The following ZMYM4 variants were observed in gnomAD, a reference collection of about 807,000 sequenced individuals.
ZMYM4 encodes the protein zinc finger MYM-type protein 4.
In ZMYM4, 31 loss-of-function variants were observed where a neutral mutation model predicts 183.2. The observed-to-expected ratio is 0.17, with a 90% confidence interval of 0.13 to 0.23. The LOEUF is 0.23. ZMYM4 is among the 10% of genes least tolerant of loss of function. ZMYM4 has a pLI of 1.00. For missense variants in ZMYM4, 1,273 were observed against 1,840.3 expected (o/e 0.69, Z 5.64); for synonymous variants, 592 against 631.2 (o/e 0.94, Z 0.93).
intron 1 of ZMYM4, among the ~76,000 whole-genome samples, chr1:35,270,882 G>A (rs1464286402): frequency 2.6e-5 from 4 of 151,998 alleles, no homozygotes; most frequent in African/African-American, 9.7e-5. Context: ...GCATTTCATC[G>A]TAGTGTTTTG....
At chr1:35,412,590 T>C in intron 26 of ZMYM4, among the ~76,000 whole-genome samples, 1 of 152,162 alleles carries the variant, frequency 6.6e-6, no homozygotes, top group Non-Finnish European at 1.5e-5. Context: ...TTCTTAAAGA[T>C]TGGAAATATT....
chr1:35,269,835 A>C (rs1639507968), intron 1 of ZMYM4, among the ~76,000 whole-genome samples: 1 of 152,116 alleles, frequency 6.6e-6, no homozygotes, highest in Non-Finnish European at 1.5e-5. Flanking sequence ...TTTAATTCTG[A>C]GTGGTTTTTT....
intron 27 of ZMYM4, among the ~76,000 whole-genome samples, chr1:35,414,674 C>T (rs1029023344): frequency 7.2e-5 from 11 of 152,138 alleles, no homozygotes; most frequent in African/African-American, 2.2e-4. Flanking sequence ...AATCTATGAG[C>T]TAAAAATTGT....
chr1:35,333,196 A>G (rs956233773), intron 2 of ZMYM4, among the ~76,000 whole-genome samples: 2 of 152,056 alleles, frequency 1.3e-5, no homozygotes, highest in Non-Finnish European at 2.9e-5. Flanking sequence ...TTGGATCTTC[A>G]TGGCATTAAC....
chr1:35,363,633 A>T (rs747081646), intron 5 of ZMYM4, among the ~76,000 whole-genome samples: 12 of 151,214 alleles, frequency 7.9e-5, no homozygotes, highest in African/African-American at 1.2e-4. Flanking sequence ...AAGCTATAGG[A>T]GTTGGATGGA....
chr1:35,400,026 C>T (rs541209852), intron 23 of ZMYM4: 1 of 157,928 alleles, frequency 6.3e-6, no homozygotes, highest in African/African-American at 2.5e-5. Flanking sequence ...GCCTGTAGTC[C>T]CAGCTACTCG....
intron 1 of ZMYM4, among the ~76,000 whole-genome samples, chr1:35,286,782 T>A (rs1242775747): frequency 5.3e-5 from 4 of 75,430 alleles, no homozygotes; most frequent in African/African-American, 3.7e-4. Flanking sequence ...ATTTTTTTTT[T>A]TTTTTTTTTT....
chr1:35,355,113 A>G lies in ZMYM4; in HGVS notation c.86-3812A>G, dbSNP rs547065874. Among the ~76,000 whole-genome samples, 13 of 151,558 alleles carry G rather than the reference A, an allele frequency of 8.6e-5. 2 individuals are homozygous for G. Among genetic ancestry groups the G allele is most frequent in the African/African-American group, 2.7e-4 (11 of 41,308 alleles). The stretch of plus-strand genomic sequence containing the variant: ...CAGTGGCGCAATCTCGGCTCACTGC[A>G]AGCTTCGCCTTCCAGGTTCACGCCA... On this transcript the variant is annotated intron_variant, in intron 2 of 29. Coordinates refer to ENST00000314607, the MANE Select transcript of ZMYM4 (RefSeq NM_005095.3).
chr1:35,276,668 C>G (rs975895683), intron 1 of ZMYM4, among the ~76,000 whole-genome samples: 8 of 151,922 alleles, frequency 5.3e-5, no homozygotes, highest in African/African-American at 1.9e-4. Flanking sequence ...AGTGCAGTGG[C>G]GTGATCTTGG....
At chr1:35,392,484 A>G (rs1417702226) in intron 16 of ZMYM4, 132 bp downstream of exon 16, 6 of 1,315,550 alleles carry the variant, frequency 4.6e-6, no homozygotes, top group African/African-American at 1.5e-5. Context: ...TTGCTGCACA[A>G]GTTTCATATC....
At chr1:35,369,494 A>G (rs1644158808) in intron 5 of ZMYM4, among the ~76,000 whole-genome samples, 1 of 152,144 alleles carries the variant, frequency 6.6e-6, no homozygotes, top group South Asian at 2.1e-4. Context: ...ATACTAATAT[A>G]CAAACGTTCA....
intron 23 of ZMYM4, chr1:35,400,199 A>ATTTTT (rs763108230): frequency 2.9e-5 from 3 of 103,774 alleles, no homozygotes; most frequent in African/African-American, 9.1e-5. Flanking sequence ...GTAGTTCACT[A>ATTTTT]TTTTTTTTTT....
intron 2 of ZMYM4, among the ~76,000 whole-genome samples, chr1:35,347,732 C>T (rs959150311): frequency 3.3e-5 from 5 of 151,842 alleles, no homozygotes; most frequent in Non-Finnish European, 7.4e-5. Flanking sequence ...TGCTTATGGG[C>T]CTAAAGATTG....
At chr1:35,274,024 GTTATT>G in intron 1 of ZMYM4, among the ~76,000 whole-genome samples, 2 of 152,168 alleles carry the variant, frequency 1.3e-5, no homozygotes, top group Middle Eastern at 6.8e-3. Flanking sequence ...TTGAATTTCT[GTTATT>G]TTAATATTTT....
chr1:35,313,290 C>T (rs1012767972), intron 1 of ZMYM4, among the ~76,000 whole-genome samples: 3 of 152,204 alleles, frequency 2.0e-5, no homozygotes, highest in African/African-American at 7.2e-5. Flanking sequence ...CTGCCTTGGC[C>T]TCCCAAAGTG....
intron 1 of ZMYM4, among the ~76,000 whole-genome samples, chr1:35,312,269 A>C (rs191117112): frequency 4.3e-4 from 65 of 151,870 alleles, no homozygotes; most frequent in Non-Finnish European, 8.0e-4. Flanking sequence ...TCTTTCATCA[A>C]ATTTGGGAAG....
chr1:35,379,634 G>A (rs1644409233), intron 7 of ZMYM4, among the ~76,000 whole-genome samples: 1 of 152,232 alleles, frequency 6.6e-6, no homozygotes. Context: ...GAAATGTTTG[G>A]CGCAAGAGGC....
chr1:35,278,651 G>C (rs1435416440), intron 1 of ZMYM4, among the ~76,000 whole-genome samples: 1 of 152,012 alleles, frequency 6.6e-6, no homozygotes, highest in Non-Finnish European at 1.5e-5. Flanking sequence ...TCCATCTCCT[G>C]ACCTCGTGAT....
At position 35,361,659 on chromosome 1, in the gene ZMYM4, C is replaced by T. The variant is rs774775997; in HGVS notation, c.710C>T (p.Ser237Leu). ...YPFANKESIG[S>L]ELGNSFASNI... ...TTTGCCAATAAAGAATCCATTGGTT[C>T]GGAACTGGGGAATTCCTTTGCATCA... Residue 237 changes from serine (S) to leucine (L), a missense_variant, in exon 5 of 30, where the codon TCG becomes TTG. This residue lies in a region of ZMYM4 where 384 missense variants were observed against 465.6 expected (regional missense o/e 0.82). Transcript: ENST00000314607. The T allele has an allele frequency of 4.8e-5, 77 of 1,613,260 alleles. 2 individuals are homozygous for T. In the South Asian group the frequency reaches 6.3e-4, roughly 13 times the overall value.
Sources: gnomAD v4.1 joint callset for allele counts (sites outside exome capture counted in the v4.1 genomes callset) on GRCh38, gnomAD v4.1.1 for gene constraint, gnomAD v4.1.1 regional missense constraint, MANE v1.5 for transcripts, NCBI Gene and HGNC (gene_info 2026-07-23, HGNC 2026-07-21) for gene names.